The following NME7 variants were observed in gnomAD, a reference collection of about 807,000 sequenced individuals.
NME7 encodes the protein NME/NM23 family member 7, also known as nucleoside diphosphate kinase 7.
A neutral mutation model predicts 49.1 loss-of-function variants in NME7; 41 were observed. The ratio of observed to expected loss-of-function variants is 0.83; its 90% CI spans 0.65 to 1.08. The LOEUF (loss-of-function observed/expected upper bound fraction) is 1.08, where lower values mean the gene tolerates loss of function less well. NME7 is among the 50% of genes least tolerant of loss of function. The pLI is 0.00. For synonymous variants in NME7, 139 were observed against 150.6 expected, an observed-to-expected ratio of 0.92 and a Z score of 0.56; for missense variants, 423 against 463.4, an observed-to-expected ratio of 0.91 and a Z score of 0.80.
At chr1:169,312,528 G>C (rs972976979) in intron 3 of NME7, among the ~76,000 whole-genome samples, 1 of 152,156 alleles carries the variant, frequency 6.6e-6, no homozygotes, top group African/African-American at 2.4e-5. Flanking sequence ...CACTATTTAA[G>C]ATTAAAACTT....
intron 6 of NME7, among the ~76,000 whole-genome samples, chr1:169,293,871 A>G (rs938690178): frequency 6.6e-6 from 1 of 152,148 alleles, no homozygotes; most frequent in Non-Finnish European, 1.5e-5. Flanking sequence ...ATAAATATTT[A>G]TAATTTTCTC....
chr1:169,135,598 G>A (rs906994891), intron 11 of NME7, among the ~76,000 whole-genome samples: 2 of 151,820 alleles, frequency 1.3e-5, no homozygotes, highest in African/African-American at 4.8e-5. Context: ...TCTTTAAGAG[G>A]GGGCTACTGT....
At chr1:169,155,401 G>A (rs12354315) in intron 11 of NME7, among the ~76,000 whole-genome samples, 60,030 of 152,002 alleles carry the variant, frequency 0.39, 12,211 homozygotes, top group East Asian at 0.73. Context: ...TCTCACTGAC[G>A]TTGTTTGGAA....
At chr1:169,249,885 G>T (rs546288134) in intron 7 of NME7, among the ~76,000 whole-genome samples, 4 of 152,018 alleles carry the variant, frequency 2.6e-5, no homozygotes, top group South Asian at 2.1e-4. Context: ...CTAGTATTTT[G>T]TTGAGGATTT....
At chr1:169,336,921 TAC>T (rs1448987430) in intron 1 of NME7, among the ~76,000 whole-genome samples, 2 of 152,062 alleles carry the variant, frequency 1.3e-5, no homozygotes, top group Non-Finnish European at 2.9e-5. Context: ...TTGAGCTAGA[TAC>T]AGAGTGCCGA....
chr1:169,318,518 T>C (rs1424526185), intron 3 of NME7, among the ~76,000 whole-genome samples: 1 of 152,218 alleles, frequency 6.6e-6, no homozygotes, highest in African/African-American at 2.4e-5. Flanking sequence ...ACCAATTTTG[T>C]AAGTATGTAA....
intron 1 of NME7, among the ~76,000 whole-genome samples, chr1:169,364,443 G>A (rs906749832): frequency 1.3e-5 from 2 of 151,994 alleles, no homozygotes; most frequent in African/African-American, 2.4e-5. Context: ...ACAAGGTCTC[G>A]CTATGTTGCT....
chr1:169,235,268 T>G, intron 8 of NME7, 69 bp from the exon 9 acceptor site: 1 of 736,084 alleles, frequency 1.4e-6, no homozygotes, highest in Non-Finnish European at 2.2e-6. Flanking sequence ...TAAGCCACAC[T>G]TAGCACTTAA....
chr1:169,347,462 T>C (rs1652989369), intron 1 of NME7, among the ~76,000 whole-genome samples: 2 of 152,136 alleles, frequency 1.3e-5, no homozygotes, highest in Admixed American at 6.5e-5. Flanking sequence ...CCAGTATGAT[T>C]TGAAGGTAGA....
intron 11 of NME7, among the ~76,000 whole-genome samples, chr1:169,142,560 A>T (rs1658626281): frequency 6.6e-6 from 1 of 152,230 alleles, no homozygotes; most frequent in African/African-American, 2.4e-5. Context: ...TACTGCTTAC[A>T]AAGGATACAG....
intron 10 of NME7, among the ~76,000 whole-genome samples, chr1:169,178,032 G>A (rs962164045): frequency 1.3e-5 from 2 of 151,984 alleles, no homozygotes; most frequent in Admixed American, 1.3e-4. Context: ...GTAGAGACGA[G>A]GTTTCACCGT....
At chr1:169,286,532 G>T (rs1650280655) in intron 7 of NME7, 1 of 151,910 alleles carries the variant, frequency 6.6e-6, no homozygotes, top group South Asian at 2.1e-4. Flanking sequence ...AAAAGAACTT[G>T]CAAACTCTTT....
chr1:169,226,917 C>T (rs1185766052), intron 10 of NME7, among the ~76,000 whole-genome samples: 1 of 151,992 alleles, frequency 6.6e-6, no homozygotes, highest in Non-Finnish European at 1.5e-5. Context: ...CAAAAAAACA[C>T]AGTAGAGTAA....
intron 7 of NME7, among the ~76,000 whole-genome samples, chr1:169,261,703 C>T (rs568535581): frequency 7.5e-6 from 1 of 133,654 alleles, no homozygotes; most frequent in South Asian, 2.3e-4. Flanking sequence ...ATGGTCCCTG[C>T]CCAGAATTTC....
At chr1:169,164,280 A>G (rs1355813997) in intron 11 of NME7, among the ~76,000 whole-genome samples, 1 of 152,118 alleles carries the variant, frequency 6.6e-6, no homozygotes, top group Non-Finnish European at 1.5e-5. Flanking sequence ...CAATTTATTT[A>G]ACTAAACTCT....
chr1:169,354,803 T>C (rs1653322670), intron 1 of NME7, among the ~76,000 whole-genome samples: 1 of 138,354 alleles, frequency 7.2e-6, no homozygotes, highest in Non-Finnish European at 1.5e-5. Context: ...ATATCTATTA[T>C]ATATAATAGA....
At chr1:169,223,390 A>T (rs1661203786) in intron 10 of NME7, among the ~76,000 whole-genome samples, 1 of 151,756 alleles carries the variant, frequency 6.6e-6, no homozygotes, top group African/African-American at 2.4e-5. Context: ...GTGGGAAGGG[A>T]TTTTGAAACT....
intron 5 of NME7, 60 bp from the exon 6 acceptor site, chr1:169,298,823 A>T (rs1650819078): frequency 1.5e-6 from 2 of 1,312,516 alleles, no homozygotes; most frequent in Non-Finnish European, 2.2e-6. Flanking sequence ...TATTTGTCTT[A>T]ACGACAGGAT....
chr1:169,157,509 C>T (rs956887472), intron 11 of NME7, among the ~76,000 whole-genome samples: 1 of 152,224 alleles, frequency 6.6e-6, no homozygotes, highest in Non-Finnish European at 1.5e-5. Context: ...ATGCATACCA[C>T]ATATCTCAGG....
Sources: gnomAD v4.1 joint callset for allele counts (sites outside exome capture counted in the v4.1 genomes callset) on GRCh38, gnomAD v4.1.1 for gene constraint, MANE v1.5 for transcripts, NCBI Gene and HGNC (gene_info 2026-07-23, HGNC 2026-07-21) for gene names.